Variants in NRSN1 observed in about 807,000 individuals in gnomAD.
The protein encoded by NRSN1 is neurensin-1.
In NRSN1, 14 loss-of-function variants were observed where a neutral mutation model predicts 17.3. The observed-to-expected ratio is 0.81, with a 90% CI of 0.54 to 1.27. NRSN1 has a LOEUF of 1.27. NRSN1 is among the 50% of genes most tolerant of loss of function. The pLI is 0.00. For synonymous variants in NRSN1, 79 were observed against 94.2 expected, an observed-to-expected ratio of 0.84 and a Z score of 0.93; for missense variants, 209 against 235.9, an observed-to-expected ratio of 0.89 and a Z score of 0.75.
rs755115655 is a variant in NRSN1, at chr6:24,134,401, G to A, written c.74G>A (p.Gly25Glu). The A allele has an allele frequency of 6.2e-7, 1 of 1,614,156 alleles. No homozygotes were observed. The highest frequency in any genetic ancestry group is 1.7e-5 in the Admixed American group (1 of 60,020). Residue 25 changes from glycine to glutamate, a missense_variant, in exon 3 of 4, where the codon GGA becomes GAA. By Grantham distance (98) the Gly-to-Glu change is moderately conservative. Coordinates refer to ENST00000378491, the MANE Select transcript of NRSN1 (RefSeq NM_080723.5). ...GCTGAGGGTGGTTACCAGCGCTATGGAGTCCGGTCCTACCTGCACCAGTTT... is the reference window on the plus strand; with the variant it reads ...GCTGAGGGTGGTTACCAGCGCTATGAAGTCCGGTCCTACCTGCACCAGTTT... The part of the protein sequence containing the change: ...AAAEGGYQRY[G>E]VRSYLHQFYE...
intron 1 of NRSN1, among the ~76,000 whole-genome samples, chr6:24,126,686 T>C (rs1360014312): frequency 6.6e-6 from 1 of 152,082 alleles, no homozygotes; most frequent in East Asian, 1.9e-4. Flanking sequence ...AAGTTGTGTA[T>C]TAGGAAAGAG....
intron 3 of NRSN1, among the ~76,000 whole-genome samples, chr6:24,136,898 T>C (rs1760126363): frequency 6.6e-6 from 1 of 152,186 alleles, no homozygotes; most frequent in Admixed American, 6.5e-5. Context: ...CTTAGAGACC[T>C]CATCTCTATC....
chr6:24,144,143 A>C (rs1430912243), intron 3 of NRSN1, among the ~76,000 whole-genome samples: 1 of 152,220 alleles, frequency 6.6e-6, no homozygotes, highest in Non-Finnish European at 1.5e-5. Context: ...AAATAGCTAC[A>C]TGTGAGAGGA....
At chr6:24,131,386 T>A (rs761179869) in intron 2 of NRSN1, among the ~76,000 whole-genome samples, 11 of 152,310 alleles carry the variant, frequency 7.2e-5, no homozygotes, top group Non-Finnish European at 1.3e-4. Flanking sequence ...CTCTTACTGT[T>A]GCTATGAGGG....
At position 24,146,140 on chromosome 6, in the gene NRSN1, G is replaced by A; in HGVS notation, c.*194G>A. 1 of 722,040 alleles carries A rather than the reference G, an allele frequency of 1.4e-6. No homozygotes were observed. The highest frequency in any genetic ancestry group is 2.6e-6 in the Non-Finnish European group (1 of 390,264). 44.7% of individuals were successfully genotyped at this position (722,040 alleles called of 1,614,324 possible). On this transcript the variant is annotated 3_prime_UTR_variant, in exon 4 of 4. Coordinates refer to ENST00000378491, the MANE Select transcript of NRSN1 (RefSeq NM_080723.5). ...AGGGCGGTGCCATGCCTAAGCCTGT[G>A]CACATGCATCCAGCTGCTTAAGATG... is the stretch of plus-strand genomic sequence containing the variant.
intron 3 of NRSN1, among the ~76,000 whole-genome samples, chr6:24,138,730 C>G (rs74683763): frequency 0.032 from 4,914 of 152,298 alleles, 143 homozygotes; most frequent in African/African-American, 0.079. Flanking sequence ...CCAGTTCCCC[C>G]TCTTGAGCTA....
At chr6:24,131,234 T>G (rs1280702875) in intron 2 of NRSN1, among the ~76,000 whole-genome samples, 1 of 152,210 alleles carries the variant, frequency 6.6e-6, no homozygotes, top group Non-Finnish European at 1.5e-5. Flanking sequence ...GTTGGACAAC[T>G]GGGTCTCATA....
chr6:24,136,645 G>T (rs1760122426), intron 3 of NRSN1, among the ~76,000 whole-genome samples: 1 of 152,068 alleles, frequency 6.6e-6, no homozygotes, highest in Non-Finnish European at 1.5e-5. Flanking sequence ...TCAAAGCACT[G>T]GTTGTTATGT....
In NRSN1 at chr6:24,146,380, T is replaced by C. The variant is rs1237712634; in HGVS notation, c.*434T>C. The C allele has an allele frequency of 2.4e-6, 1 of 424,024 alleles. No homozygotes were observed. Among genetic ancestry groups the C allele is most frequent in the African/African-American group, 2.1e-5 (1 of 48,638 alleles). The allele number at this position is 424,024 out of a possible 1,614,324, so 26.3% of individuals were successfully genotyped here. A position where few individuals can be genotyped will look rare whatever the true frequency, so the allele number is the denominator to read the frequency against. On this transcript the variant is annotated 3_prime_UTR_variant, in exon 4 of 4. Coordinates refer to ENST00000378491, the MANE Select transcript of NRSN1 (RefSeq NM_080723.5). ...TCCTGTCTCACTATGTGTAAGATTTTGTCATATGTGTTCATAGAAACATGG... is the reference window on the plus strand; with the variant it reads ...TCCTGTCTCACTATGTGTAAGATTTCGTCATATGTGTTCATAGAAACATGG...
intron 2 of NRSN1, 138 bp from the exon 3 acceptor site, chr6:24,134,181 A>T: frequency 1.4e-6 from 1 of 731,296 alleles, no homozygotes; most frequent in Non-Finnish European, 2.2e-6. Context: ...AGGGGTCTTT[A>T]AAAGTACCTT....
intron 2 of NRSN1, among the ~76,000 whole-genome samples, 197 bp from the exon 3 acceptor site, chr6:24,134,122 C>G (rs1026491903): frequency 5.3e-5 from 8 of 151,934 alleles, no homozygotes; most frequent in Admixed American, 5.2e-4. Context: ...CCTCAGCCTC[C>G]CAAAGTGCTG....
chr6:24,141,234 A>T, intron 3 of NRSN1: 1 of 1,266,278 alleles, frequency 7.9e-7, no homozygotes, highest in Non-Finnish European at 1.0e-6. Context: ...TTTCTGTTAG[A>T]CCTGGGACCA....
In NRSN1 at chr6:24,146,678, TA is replaced by T. The variant is rs1760311833; in HGVS notation, c.*733del. 6.5e-6 allele frequency: 1 copy of T among 152,796 alleles called. No homozygotes were observed. Among genetic ancestry groups the T allele is most frequent in the Admixed American group, 6.5e-5 (1 of 15,432 alleles). 9.5% of individuals were successfully genotyped at this position (152,796 alleles called of 1,614,324 possible). On this transcript the variant is annotated 3_prime_UTR_variant, in exon 4 of 4. Coordinates refer to ENST00000378491, the MANE Select transcript of NRSN1 (RefSeq NM_080723.5). ...GGCACCTGCCACCACCCCCAGTTAA[TA>T]TTTTTTTTAATTTTTTTTAGAGGCA...
At chr6:24,138,467 T>C (rs1760149986) in intron 3 of NRSN1, among the ~76,000 whole-genome samples, 1 of 152,200 alleles carries the variant, frequency 6.6e-6, no homozygotes, top group South Asian at 2.1e-4. Context: ...GTCAAACCAA[T>C]GGGAGCAGTC....
chr6:24,137,664 T>C (rs961978133), intron 3 of NRSN1, among the ~76,000 whole-genome samples: 1 of 152,100 alleles, frequency 6.6e-6, no homozygotes, highest in African/African-American at 2.4e-5. Flanking sequence ...GTATATCTCC[T>C]AATGCTATCC....
chr6:24,130,826 T>C (rs1471372019), intron 2 of NRSN1, among the ~76,000 whole-genome samples: 1 of 152,158 alleles, frequency 6.6e-6, no homozygotes, highest in East Asian at 1.9e-4. Context: ...GATAGAGTCA[T>C]TCCGTACAGA....
chr6:24,133,868 A>G (rs923752041), intron 2 of NRSN1, among the ~76,000 whole-genome samples: 1 of 152,030 alleles, frequency 6.6e-6, no homozygotes, highest in Admixed American at 6.6e-5. Context: ...ACGGAGTCTC[A>G]CTCTGTCACC....
chr6:24,142,212 T>TTTTTTTTTTTTTTTTTTTTTTTTTTTTTC lies in NRSN1; in HGVS notation c.190-3334_190-3333insTTTTTTTTTTTTTTTTTTTTTTTTTTCTT, dbSNP rs1484150562. On this transcript the variant is annotated intron_variant, in intron 3 of 3. Coordinates refer to ENST00000378491, the MANE Select transcript of NRSN1 (RefSeq NM_080723.5). ...ACAGCTTTTTTTTTTTTTTTTTTTT[T>TTTTTTTTTTTTTTTTTTTTTTTTTTTTTC]TTCAGAAGACATCCTATTGACTCTT... Among the ~76,000 whole-genome samples the TTTTTTTTTTTTTTTTTTTTTTTTTTTTTC allele has an allele frequency of 5.2e-5, 7 of 134,602 alleles. 1 individual carries two copies. The highest frequency in any genetic ancestry group is 5.3e-5 in the African/African-American group (2 of 37,694). 88.3% of individuals were successfully genotyped at this position (134,602 alleles called of 152,430 possible).
At position 24,146,062 on chromosome 6, in the gene NRSN1, T is replaced by C. The variant is rs1760298774; in HGVS notation, c.*116T>C. 9.2e-7 allele frequency: 1 copy of C among 1,086,974 alleles called. No homozygotes were observed. The highest frequency in any genetic ancestry group is 1.8e-5 in the Admixed American group (1 of 56,954). 67.3% of individuals were successfully genotyped at this position (1,086,974 alleles called of 1,614,324 possible). On this transcript the variant is annotated 3_prime_UTR_variant, in exon 4 of 4. Coordinates refer to ENST00000378491, the MANE Select transcript of NRSN1 (RefSeq NM_080723.5). ...ACTGCCCTAGGGCTGTGTTCAGCTG[T>C]GGGCAATATAATGGGTGGACTCACA...
Sources: allele counts gnomAD v4.1 joint callset (sites outside exome capture counted in the v4.1 genomes callset), GRCh38; gene constraint gnomAD v4.1.1; transcripts MANE v1.5; gene names NCBI Gene and HGNC (gene_info 2026-07-23, HGNC 2026-07-21).